PARM1: variants seen among roughly 807,000 people sequenced by gnomAD.
PARM1 encodes the protein WSC4, cell wall integrity and stress response component 4 homolog.
In PARM1, 14 loss-of-function variants were observed where a neutral mutation model predicts 24.6. That is an observed-to-expected ratio of 0.57 (90% CI 0.38 to 0.89). PARM1 has a LOEUF of 0.89. Among genes scored for constraint, PARM1 ranks in the 40% least tolerant of loss-of-function variants. The pLI is 0.00. For missense variants in PARM1, 362 were observed against 380.4 expected (o/e 0.95, Z 0.40); for synonymous variants, 179 against 156.6 (o/e 1.14, Z -1.07).
chr4:74,979,789 C>T (rs548925758), intron 1 of PARM1, among the ~76,000 whole-genome samples: 12 of 152,148 alleles, frequency 7.9e-5, no homozygotes, highest in Non-Finnish European at 1.5e-4. Context: ...AGCTTCATCC[C>T]CAGGATCCAA....
At position 75,037,171 on chromosome 4, in the gene PARM1, G is replaced by A. The variant is rs959840138; in HGVS notation, c.848+3210G>A. Among the ~76,000 whole-genome samples the A allele has an allele frequency of 5.9e-5, 9 of 152,168 alleles. No individual in the cohort carries two copies. In the South Asian group the frequency reaches 8.3e-4, roughly 14 times the overall value. ...TAAGGATAGGCTTTGCTTTGGTTGG[G>A]AACTTACTCTTCTTTCTTCATCCCA... On this transcript the variant is annotated intron_variant, in intron 3 of 3. Coordinates refer to ENST00000307428, the MANE Select transcript of PARM1 (RefSeq NM_015393.4).
At chr4:74,967,370 C>T (rs1360931923) in intron 1 of PARM1, 1 of 152,156 alleles carries the variant, frequency 6.6e-6, no homozygotes, top group Non-Finnish European at 1.5e-5. Flanking sequence ...CAAACAGAAC[C>T]AGTTTTGTTT....
At chr4:74,946,345 C>T (rs554206904) in intron 1 of PARM1, among the ~76,000 whole-genome samples, 8 of 152,294 alleles carry the variant, frequency 5.3e-5, no homozygotes, top group African/African-American at 1.9e-4. Context: ...ATTCTCTTCC[C>T]CATCCCCACA....
intron 1 of PARM1, among the ~76,000 whole-genome samples, chr4:74,961,336 C>T (rs560402457): frequency 8.6e-5 from 13 of 151,564 alleles, no homozygotes; most frequent in South Asian, 2.1e-4. Flanking sequence ...CAAATATACA[C>T]GTAATGAAAG....
intron 1 of PARM1, among the ~76,000 whole-genome samples, chr4:74,938,277 G>T (rs188427420): frequency 6.6e-6 from 1 of 152,102 alleles, no homozygotes; most frequent in Admixed American, 6.5e-5. Context: ...ACACCCCACC[G>T]GAAGCAATGG....
intron 2 of PARM1, among the ~76,000 whole-genome samples, chr4:75,025,424 T>A (rs1441416241): frequency 2.0e-5 from 3 of 152,196 alleles, no homozygotes; most frequent in African/African-American, 7.2e-5. Context: ...ACCAGTATAG[T>A]TCACATTACA....
chr4:74,978,001 A>C (rs1722170752), intron 1 of PARM1, among the ~76,000 whole-genome samples: 2 of 152,234 alleles, frequency 1.3e-5, no homozygotes, highest in African/African-American at 4.8e-5. Context: ...ATTACCAGCT[A>C]CTATAAAAAC....
At chr4:74,940,714 G>A (rs192105335) in intron 1 of PARM1, among the ~76,000 whole-genome samples, 82 of 152,248 alleles carry the variant, frequency 5.4e-4, no homozygotes, top group African/African-American at 1.4e-3. Context: ...TTATTTGATT[G>A]GTCCATACTG....
intron 1 of PARM1, among the ~76,000 whole-genome samples, chr4:75,008,794 C>T (rs1722816474): frequency 6.6e-6 from 1 of 152,164 alleles, no homozygotes; most frequent in African/African-American, 2.4e-5. Flanking sequence ...ATTGGTTCTC[C>T]TTTGTAGATG....
At chr4:74,997,989 CA>C (rs1409643676) in intron 1 of PARM1, among the ~76,000 whole-genome samples, 1 of 152,210 alleles carries the variant, frequency 6.6e-6, no homozygotes, top group Non-Finnish European at 1.5e-5. Flanking sequence ...CAAGTTAGCT[CA>C]TGTCGCCAGA....
At chr4:74,955,953 A>G (rs1721621854) in intron 1 of PARM1, 1 of 152,234 alleles carries the variant, frequency 6.6e-6, no homozygotes, top group East Asian at 1.9e-4. Flanking sequence ...AGACCTCCAA[A>G]AAAAACTAAT....
intron 1 of PARM1, among the ~76,000 whole-genome samples, chr4:75,011,909 T>C (rs2109793925): frequency 6.6e-6 from 1 of 152,222 alleles, no homozygotes; most frequent in Non-Finnish European, 1.5e-5. Flanking sequence ...TGGATAGCCC[T>C]CAAGACATGG....
At chr4:74,933,905 A>C (rs943683439) in intron 1 of PARM1, among the ~76,000 whole-genome samples, 2 of 152,042 alleles carry the variant, frequency 1.3e-5, no homozygotes, top group African/African-American at 4.8e-5. Flanking sequence ...TATGCTTAGG[A>C]TGATGTGGCA....
intron 1 of PARM1, chr4:74,999,014 G>A (rs1722629053): frequency 6.6e-6 from 1 of 152,258 alleles, no homozygotes; most frequent in Non-Finnish European, 1.5e-5. Context: ...TGACGGGAAA[G>A]AGCGTTAATT....
chr4:75,005,349 A>G (rs559297773), intron 1 of PARM1, among the ~76,000 whole-genome samples: 1 of 152,360 alleles, frequency 6.6e-6, no homozygotes, highest in East Asian at 1.9e-4. Flanking sequence ...AGGGAAAGAC[A>G]TGGCCAGGGA....
chr4:75,047,852 AC>A lies in PARM1; in HGVS notation c.*1607del, dbSNP rs1348972444. ...TGGGTTGTTCTTGGTATGCATGGTG[AC>A]CTTTTTATTTCTGTGTGCTTCCTAG... On this transcript the variant is annotated 3_prime_UTR_variant, in exon 4 of 4. Coordinates refer to ENST00000307428, the MANE Select transcript of PARM1 (RefSeq NM_015393.4). The A allele has an allele frequency of 6.6e-6, 1 of 152,170 alleles. No homozygotes were observed. The highest frequency in any genetic ancestry group is 1.5e-5 in the Non-Finnish European group (1 of 68,014). The allele number at this position is 152,170 out of a possible 1,614,324, so 9.4% of individuals were successfully genotyped here.
chr4:74,941,424 A>G lies in PARM1; in HGVS notation c.43+8054A>G, dbSNP rs1015690718. Among the ~76,000 whole-genome samples, 7 of 152,324 alleles carry G rather than the reference A, an allele frequency of 4.6e-5. No individual in the cohort carries two copies. In the South Asian group the frequency reaches 1.2e-3, roughly 27 times the overall value. On this transcript the variant is annotated intron_variant, in intron 1 of 3. Transcript: ENST00000307428. ...AAATTACGGAGGAGAAGCTGGGGGC[A>G]TAAAGTTTCATGAGTCCAAGAAAAC...
At chr4:74,969,491 CCAGTGGTCCTCTGTAGT>C (rs1423571593) in intron 1 of PARM1, 8 of 152,124 alleles carry the variant, frequency 5.3e-5, no homozygotes, top group African/African-American at 1.7e-4. Context: ...CCAAACTCAC[CCAGTGGTCCTCTGTAGT>C]CAGAGGAAGG....
chr4:75,013,056 G>A lies in PARM1; in HGVS notation c.675G>A (p.Val225=), dbSNP rs774562907. ...VPQEKTPPTT[V]SGKVMCELID... ...AGGAGAAAACACCCCCAACAACTGT[G>A]TCAGGCAAAGTGATGTGTGAGCTCA... Residue 225 remains valine (V), a synonymous_variant, in exon 2 of 4, where the codon GTG becomes GTA. Coordinates refer to ENST00000307428, the MANE Select transcript of PARM1 (RefSeq NM_015393.4). 4 of 1,613,992 alleles carry A rather than the reference G, an allele frequency of 2.5e-6. No homozygotes were observed. Among genetic ancestry groups the A allele is most frequent in the Admixed American group, 3.3e-5 (2 of 60,012 alleles).
Sources: allele counts gnomAD v4.1 joint callset (sites outside exome capture counted in the v4.1 genomes callset), GRCh38; gene constraint gnomAD v4.1.1; transcripts MANE v1.5; gene names NCBI Gene and HGNC (gene_info 2026-07-23, HGNC 2026-07-21).